JAK2: variants seen among roughly 807,000 people sequenced by gnomAD.
JAK2 encodes the protein tyrosine-protein kinase JAK2.
A neutral mutation model predicts 139.3 loss-of-function variants in JAK2; 86 were observed. That is an observed-to-expected ratio of 0.62 (90% confidence interval 0.52 to 0.74). The LOEUF (loss-of-function observed/expected upper bound fraction) is 0.74. JAK2 is among the 30% of genes least tolerant of loss of function. The probability of loss-of-function intolerance (pLI) is 0.00; values close to 1 mark genes in which losing one functional copy is unlikely to be tolerated. For synonymous variants in JAK2, 490 were observed against 437.7 expected (o/e 1.12, Z -1.49); for missense variants, 1,421 against 1,360.3 (o/e 1.04, Z -0.70).
chr9:5,109,864 C>G lies in JAK2; in HGVS notation c.3060-13140C>G, dbSNP rs868075900. 2.0e-5 allele frequency: 3 copies of G among 152,286 alleles called. No individual in the cohort carries two copies. The South Asian group carries it at 6.2e-4, about 32-fold the overall frequency. The allele number at this position is 152,286 out of a possible 1,614,324, so 9.4% of individuals were successfully genotyped here. A position where few individuals can be genotyped will look rare whatever the true frequency, so the allele number is the denominator to read the frequency against. ...ATCACAGTATTCTTCCAATATTCCA[C>G]CAACAAACTCTTTCAACTCTTTATC... On this transcript the variant is annotated intron_variant, in intron 22 of 24. Coordinates refer to ENST00000381652, the MANE Select transcript of JAK2 (RefSeq NM_004972.4).
chr9:4,998,664 C>G (rs1465840294), intron 2 of JAK2, among the ~76,000 whole-genome samples: 1 of 151,778 alleles, frequency 6.6e-6, no homozygotes, highest in Non-Finnish European at 1.5e-5. Flanking sequence ...ACAAATGTGG[C>G]TTTTCCTGTG....
At chr9:5,111,375 A>C (rs779412659) in intron 22 of JAK2, 197 of 401,826 alleles carry the variant, frequency 4.9e-4, no homozygotes, top group Non-Finnish European at 7.6e-4. Flanking sequence ...CTACGCCAGC[A>C]GCTCTGGCGG....
intron 9 of JAK2, among the ~76,000 whole-genome samples, chr9:5,065,629 A>G (rs1454425268): frequency 6.6e-6 from 1 of 152,230 alleles, no homozygotes; most frequent in South Asian, 2.1e-4. Context: ...TTAAATAGCT[A>G]CATGTGGCTA....
intron 8 of JAK2, among the ~76,000 whole-genome samples, chr9:5,061,396 A>T (rs942922860): frequency 6.6e-6 from 1 of 152,202 alleles, no homozygotes; most frequent in African/African-American, 2.4e-5. Context: ...ATCTTCATCA[A>T]TGGTCCTTAC....
chr9:5,033,945 T>C (rs202201217), intron 4 of JAK2, among the ~76,000 whole-genome samples: 6 of 152,106 alleles, frequency 3.9e-5, no homozygotes, highest in Non-Finnish European at 5.9e-5. Flanking sequence ...CACAGACTGG[T>C]AAACTGGATA....
intron 2 of JAK2, among the ~76,000 whole-genome samples, chr9:4,997,825 C>T (rs914088670): frequency 8.5e-5 from 13 of 152,078 alleles, no homozygotes; most frequent in African/African-American, 3.1e-4. Flanking sequence ...ACTGGAAATC[C>T]TTCCAAAACA....
Position 5,120,069 on chromosome 9 carries a change from G to A in JAK2, c.3060-2935G>A, listed in dbSNP as rs182238512. On this transcript the variant is annotated intron_variant, in intron 22 of 24. Transcript: ENST00000381652. ...GAAATTTATTTCTCACACTTCTAGA[G>A]GTTAGGAGTCCATGAAAAAAGTGCT... Among the ~76,000 whole-genome samples the A allele has an allele frequency of 1.0e-3, 158 of 152,322 alleles. 1 individual carries two copies. The highest frequency in any genetic ancestry group is 6.2e-3 in the South Asian group (30 of 4,824).
At chr9:5,085,655 TTTTCCTTTTCGAGAACGTGCATTATCA>T in intron 19 of JAK2, 1 of 723,820 alleles carries the variant, frequency 1.4e-6, no homozygotes, top group Non-Finnish European at 2.6e-6. Flanking sequence ...ATCTTGTGTG[TTTTCCTTTTCGAGAACGTGCATTATCA>T]ATAACGTCAT....
intron 4 of JAK2, among the ~76,000 whole-genome samples, chr9:5,032,400 G>T (rs561021802): frequency 1.3e-5 from 2 of 152,322 alleles, no homozygotes; most frequent in African/African-American, 2.4e-5. Context: ...GAAGAGTAGT[G>T]GTTCTCCCAG....
chr9:5,038,601 T>G lies in JAK2; in HGVS notation c.351-5802T>G, dbSNP rs200008807. 2.7e-3 allele frequency among the ~76,000 whole-genome samples: 411 copies of G among 149,482 alleles called. 1 individual carries two copies. Among genetic ancestry groups the G allele is most frequent in the Middle Eastern group, 3.5e-3 (1 of 288 alleles). On this transcript the variant is annotated intron_variant, in intron 4 of 24. Coordinates refer to ENST00000381652, the MANE Select transcript of JAK2 (RefSeq NM_004972.4). ...AGAAGTGTTTTGGATTTTAGATTTT[T>G]TTTTTTTTTTTTGGATTTTAGAATA...
chr9:5,049,559 T>C (rs1181008058), intron 5 of JAK2, among the ~76,000 whole-genome samples: 2 of 152,226 alleles, frequency 1.3e-5, no homozygotes, highest in Non-Finnish European at 2.9e-5. Context: ...TTTCTCCAAG[T>C]TCCTGAAGGA....
intron 22 of JAK2, among the ~76,000 whole-genome samples, chr9:5,104,797 A>G (rs1343926561): frequency 1.3e-5 from 2 of 152,214 alleles, no homozygotes; most frequent in Non-Finnish European, 2.9e-5. Flanking sequence ...AACAGAACCA[A>G]TGACAAAAAC....
At chr9:5,035,428 C>A (rs1446710350) in intron 4 of JAK2, among the ~76,000 whole-genome samples, 1 of 151,960 alleles carries the variant, frequency 6.6e-6, no homozygotes, top group African/African-American at 2.4e-5. Flanking sequence ...GAGACACAAC[C>A]AAAAAGGAGA....
chr9:5,072,365 A>G, intron 12 of JAK2, 127 bp from the exon 13 acceptor site: 1 of 605,652 alleles, frequency 1.7e-6, no homozygotes, highest in South Asian at 3.4e-5. Context: ...TTAAATCTGG[A>G]TTTAGATTCT....
intron 22 of JAK2, among the ~76,000 whole-genome samples, chr9:5,103,358 CAAG>C (rs1211364506): frequency 2.1e-5 from 3 of 145,886 alleles, no homozygotes; most frequent in African/African-American, 8.2e-5. Flanking sequence ...ATCAACTGGG[CAAG>C]AAGAGCTAAC....
intron 9 of JAK2, 78 bp downstream of exon 9, chr9:5,065,118 C>A (rs777509349): frequency 6.1e-5 from 54 of 890,290 alleles, no homozygotes; most frequent in Non-Finnish European, 7.5e-5. Context: ...CAGAGTGATA[C>A]ATGTATGTTT....
chr9:5,107,599 T>C (rs966658821), intron 22 of JAK2, among the ~76,000 whole-genome samples: 2 of 152,172 alleles, frequency 1.3e-5, no homozygotes, highest in African/African-American at 4.8e-5. Flanking sequence ...AAAGAAATGA[T>C]TTCGATTCAT....
intron 6 of JAK2, among the ~76,000 whole-genome samples, chr9:5,053,946 TC>T (rs987192167): frequency 6.6e-6 from 1 of 152,026 alleles, no homozygotes; most frequent in Non-Finnish European, 1.5e-5. Flanking sequence ...AATAAAATGT[TC>T]CTTAGAAGCA....
chr9:5,035,083 C>T (rs1823475875), intron 4 of JAK2, among the ~76,000 whole-genome samples: 1 of 152,132 alleles, frequency 6.6e-6, no homozygotes, highest in South Asian at 2.1e-4. Flanking sequence ...TACAAACTAC[C>T]ATCAGAGAAT....
Sources: gnomAD v4.1 joint callset for allele counts (sites outside exome capture counted in the v4.1 genomes callset) on GRCh38, gnomAD v4.1.1 for gene constraint, MANE v1.5 for transcripts, NCBI Gene and HGNC (gene_info 2026-07-23, HGNC 2026-07-21) for gene names.